The following SNX10 variants were observed in gnomAD, a reference collection of about 807,000 sequenced individuals.
SNX10 encodes the protein sorting nexin-10.
In SNX10, 25 loss-of-function variants were observed where a neutral mutation model predicts 28.5. The ratio of observed to expected loss-of-function variants is 0.88; its 90% CI spans 0.64 to 1.22. SNX10 has a LOEUF of 1.22. Ranked by LOEUF, SNX10 falls within the 50% of genes most tolerant of loss-of-function variation. The probability of loss-of-function intolerance (pLI) is 0.00; values close to 1 mark genes in which losing one functional copy is unlikely to be tolerated. For missense variants in SNX10, 223 were observed against 242.6 expected (o/e 0.92, Z 0.54); for synonymous variants, 62 against 81.4 (o/e 0.76, Z 1.28).
chr7:26,363,134 A>G (rs1341282855), intron 3 of SNX10, among the ~76,000 whole-genome samples: 1 of 152,182 alleles, frequency 6.6e-6, no homozygotes, highest in African/African-American at 2.4e-5. Context: ...CAGTAGAGTG[A>G]GGCCCTGGTG....
At chr7:26,322,399 A>G (rs1787345782) in intron 1 of SNX10, among the ~76,000 whole-genome samples, 1 of 152,252 alleles carries the variant, frequency 6.6e-6, no homozygotes, top group Non-Finnish European at 1.5e-5. Context: ...CCAAAATAAG[A>G]AAGACATAAT....
chr7:26,350,962 C>A (rs1036161987), intron 2 of SNX10, among the ~76,000 whole-genome samples: 1 of 151,284 alleles, frequency 6.6e-6, no homozygotes, highest in African/African-American at 2.4e-5. Flanking sequence ...TTTCTTAACT[C>A]TTCTTCCAGA....
intron 5 of SNX10, among the ~76,000 whole-genome samples, chr7:26,367,882 G>A (rs961453177): frequency 1.3e-5 from 2 of 152,160 alleles, no homozygotes; most frequent in Non-Finnish European, 2.9e-5. Context: ...TAGGTTTTTC[G>A]CATGCATTTT....
At position 26,291,974 on chromosome 7, in the gene SNX10, T is replaced by G. The variant is rs909507023; in HGVS notation, c.-136T>G. The G allele has an allele frequency of 1.4e-4, 19 of 140,428 alleles. No individual in the cohort carries two copies. Among genetic ancestry groups the G allele is most frequent in the African/African-American group, 4.0e-4 (16 of 40,202 alleles). 8.7% of individuals were successfully genotyped at this position (140,428 alleles called of 1,614,324 possible). A position where few individuals can be genotyped will look rare whatever the true frequency, so the allele number is the denominator to read the frequency against. ...AGCGCGGGGCTGCGCTCGTGTGCGCTCCTGGGCGCTCGCCGCCGCCGCTGC... is the reference window on the plus strand; with the variant it reads ...AGCGCGGGGCTGCGCTCGTGTGCGCGCCTGGGCGCTCGCCGCCGCCGCTGC... On this transcript the variant is annotated 5_prime_UTR_variant, in exon 1 of 7. Coordinates refer to ENST00000338523, the MANE Select transcript of SNX10 (RefSeq NM_013322.3).
chr7:26,344,784 T>C (rs1271515633), intron 1 of SNX10, among the ~76,000 whole-genome samples: 2 of 152,196 alleles, frequency 1.3e-5, no homozygotes, highest in Non-Finnish European at 2.9e-5. Flanking sequence ...CTTTCCAACC[T>C]AATCTCGACT....
intron 2 of SNX10, among the ~76,000 whole-genome samples, chr7:26,353,540 C>T (rs1293527242): frequency 6.6e-6 from 1 of 151,416 alleles, no homozygotes; most frequent in East Asian, 1.9e-4. Flanking sequence ...CAACCTCCGC[C>T]TCCCAGACTC....
intron 1 of SNX10, among the ~76,000 whole-genome samples, chr7:26,345,319 C>A (rs1263842720): frequency 6.6e-6 from 1 of 152,204 alleles, no homozygotes; most frequent in Non-Finnish European, 1.5e-5. Context: ...TTTCACCAGG[C>A]TCTGTGGGTG....
chr7:26,368,826 A>AT (rs1789396019), intron 5 of SNX10, among the ~76,000 whole-genome samples: 1 of 151,948 alleles, frequency 6.6e-6, no homozygotes, highest in African/African-American at 2.4e-5. Context: ...AGGCTGAGTT[A>AT]ATTTTTTTTT....
intron 1 of SNX10, among the ~76,000 whole-genome samples, chr7:26,344,141 A>C (rs1311608593): frequency 7.7e-6 from 1 of 129,850 alleles, no homozygotes; most frequent in Non-Finnish European, 1.6e-5. Context: ...TCCCTCCCAT[A>C]CTTGGCAGCC....
At chr7:26,372,208 C>G in intron 6 of SNX10, 175 bp downstream of exon 6, 1 of 601,400 alleles carries the variant, frequency 1.7e-6, no homozygotes, top group Non-Finnish European at 2.9e-6. Context: ...TCATAGTAGT[C>G]TTCACACACA....
intron 2 of SNX10, 55 bp from the exon 3 acceptor site, chr7:26,360,920 T>C (rs747102972): frequency 1.9e-6 from 3 of 1,604,444 alleles, no homozygotes; most frequent in African/African-American, 2.7e-5. Flanking sequence ...TTCAGTTCTT[T>C]CCAGTCCTAC....
At chr7:26,341,959 C>T (rs914526883) in intron 1 of SNX10, among the ~76,000 whole-genome samples, 2 of 142,110 alleles carry the variant, frequency 1.4e-5, no homozygotes, top group African/African-American at 5.5e-5. Flanking sequence ...CTCCCCTCCC[C>T]TCTTTCTCTG....
chr7:26,348,169 C>T (rs1013700851), intron 2 of SNX10, among the ~76,000 whole-genome samples: 1 of 152,170 alleles, frequency 6.6e-6, no homozygotes, highest in African/African-American at 2.4e-5. Context: ...TGCCCTTTTC[C>T]AGTCAGTCCC....
intron 1 of SNX10, among the ~76,000 whole-genome samples, chr7:26,333,172 A>G (rs549052861): frequency 7.6e-4 from 115 of 152,240 alleles, no homozygotes; most frequent in African/African-American, 2.5e-3. Flanking sequence ...CAGTGTTGCC[A>G]TTTTAAGATG....
intron 1 of SNX10, among the ~76,000 whole-genome samples, chr7:26,322,563 G>T (rs1011498302): frequency 1.3e-5 from 2 of 152,120 alleles, no homozygotes; most frequent in Non-Finnish European, 2.9e-5. Context: ...GACTGCCAGA[G>T]ATTTTTTTCT....
At chr7:26,343,026 T>C (rs928101169) in intron 1 of SNX10, among the ~76,000 whole-genome samples, 19 of 152,106 alleles carry the variant, frequency 1.2e-4, no homozygotes, top group African/African-American at 4.6e-4. Flanking sequence ...TCCAGGCTGG[T>C]CTTGAACTCC....
intron 1 of SNX10, among the ~76,000 whole-genome samples, chr7:26,307,514 C>A (rs1317568755): frequency 6.6e-6 from 1 of 152,178 alleles, no homozygotes. Context: ...GTGGCACGAT[C>A]TCAGCTCGCT....
chr7:26,319,946 T>C (rs1002844274), intron 1 of SNX10, among the ~76,000 whole-genome samples: 2 of 151,400 alleles, frequency 1.3e-5, no homozygotes, highest in African/African-American at 4.8e-5. Flanking sequence ...TATATATATG[T>C]TACTTGTATT....
intron 5 of SNX10, chr7:26,370,637 T>C (rs770781391): frequency 8.5e-5 from 13 of 152,204 alleles, no homozygotes; most frequent in Non-Finnish European, 1.5e-4. Context: ...TTTGGTATTA[T>C]AATGACCTTG....
Sources: allele counts gnomAD v4.1 joint callset (sites outside exome capture counted in the v4.1 genomes callset), GRCh38; gene constraint gnomAD v4.1.1; transcripts MANE v1.5; gene names NCBI Gene and HGNC (gene_info 2026-07-23, HGNC 2026-07-21).